MYCBP2: variants seen among roughly 807,000 people sequenced by gnomAD.
The protein encoded by MYCBP2 is MYC binding protein 2.
In MYCBP2, 120 loss-of-function variants were observed where a neutral mutation model predicts 525.3. That is an observed-to-expected ratio of 0.23 (90% CI 0.20 to 0.27). MYCBP2 has a LOEUF of 0.27. Ranked by LOEUF, MYCBP2 falls within the 10% of genes least tolerant of loss-of-function variation. The pLI is 1.00. For missense variants in MYCBP2, 4,149 were observed against 5,657.1 expected (o/e 0.73, Z 8.55); for synonymous variants, 1,894 against 1,955.8 (o/e 0.97, Z 0.83).
intron 1 of MYCBP2, among the ~76,000 whole-genome samples, chr13:77,314,835 T>C (rs556651815): frequency 6.6e-6 from 1 of 152,274 alleles, no homozygotes; most frequent in South Asian, 2.1e-4. Flanking sequence ...GATGTTGATA[T>C]GGATGAGGCT....
At position 77,174,301 on chromosome 13, in the gene MYCBP2, A is replaced by C; in HGVS notation, c.5651+10T>G. 1.2e-6 allele frequency: 2 copies of C among 1,612,910 alleles called. No homozygotes were observed. Among genetic ancestry groups the C allele is most frequent in the Non-Finnish European group, 1.7e-6 (2 of 1,178,988 alleles). ...TAAAGTATTTCCGTTATCTCTATAC[A>C]TTCACCCACCTATAGTAGAGTATCT... On this transcript the variant is annotated intron_variant, in intron 37 of 82. Coordinates refer to ENST00000544440, the MANE Select transcript of MYCBP2 (RefSeq NM_015057.5).
intron 2 of MYCBP2, among the ~76,000 whole-genome samples, chr13:77,291,029 T>C (rs184656617): frequency 2.0e-4 from 31 of 152,296 alleles, no homozygotes; most frequent in African/African-American, 7.5e-4. Context: ...CTTAAATAAA[T>C]GGAGACATAT....
At chr13:77,203,002 T>C (rs1459888522) in intron 26 of MYCBP2, among the ~76,000 whole-genome samples, 3 of 151,606 alleles carry the variant, frequency 2.0e-5, no homozygotes, top group African/African-American at 7.3e-5. Context: ...GGATGCCCTC[T>C]CTCACCACTC....
In MYCBP2 at chr13:77,233,136, T is replaced by C; in HGVS notation, c.2737+20A>G. 1 of 1,599,704 alleles carries C rather than the reference T, an allele frequency of 6.3e-7. No individual in the cohort carries two copies. Among genetic ancestry groups the C allele is most frequent in the Non-Finnish European group, 8.6e-7 (1 of 1,168,348 alleles). On this transcript the variant is annotated intron_variant, in intron 18 of 82. Coordinates refer to ENST00000544440, the MANE Select transcript of MYCBP2 (RefSeq NM_015057.5). Reference sequence around the variant, plus strand: ...AAATTGGGAAAGTATCCCACCTAGGTGATAAGGAAGACCAAATACCTTTGT... The same window carrying C: ...AAATTGGGAAAGTATCCCACCTAGGCGATAAGGAAGACCAAATACCTTTGT...
At chr13:77,097,290 T>C in intron 56 of MYCBP2, 80 bp downstream of exon 56, 1 of 1,514,776 alleles carries the variant, frequency 6.6e-7, no homozygotes, top group Admixed American at 2.3e-5. Context: ...TTTGACAAAA[T>C]TCATAGAACA....
At chr13:77,096,603 A>G (rs1361475355) in intron 56 of MYCBP2, 122 bp from the exon 57 acceptor site, 3 of 1,041,550 alleles carry the variant, frequency 2.9e-6, no homozygotes, top group Non-Finnish European at 1.3e-6. Context: ...TGAAGTAGAT[A>G]TCTTATTTTT....
intron 3 of MYCBP2, among the ~76,000 whole-genome samples, chr13:77,285,858 G>GGAACA (rs2076686051): frequency 1.9e-3 from 1 of 518 alleles, no homozygotes; most frequent in African/African-American, 3.1e-3. Flanking sequence ...AGAAAGGAAG[G>GGAACA]GAAAGGAAAG....
At chr13:77,238,938 T>C (rs2068392154) in intron 17 of MYCBP2, among the ~76,000 whole-genome samples, 1 of 152,172 alleles carries the variant, frequency 6.6e-6, no homozygotes, top group Non-Finnish European at 1.5e-5. Flanking sequence ...CTGGCCAACA[T>C]GGTGAAACCC....
intron 44 of MYCBP2, among the ~76,000 whole-genome samples, chr13:77,160,025 C>G (rs2057699042): frequency 6.6e-6 from 1 of 151,698 alleles, no homozygotes; most frequent in Non-Finnish European, 1.5e-5. Flanking sequence ...GACAACACTA[C>G]AGCTCCCTAT....
chr13:77,309,850 A>G (rs1463115534), intron 1 of MYCBP2, among the ~76,000 whole-genome samples: 3 of 152,198 alleles, frequency 2.0e-5, no homozygotes, highest in Admixed American at 2.0e-4. Flanking sequence ...GCAGTGGCTC[A>G]CGCCTGTAAT....
intron 28 of MYCBP2, 61 bp from the exon 29 acceptor site, chr13:77,190,396 A>AT: frequency 1.0e-6 from 1 of 985,088 alleles, no homozygotes; most frequent in East Asian, 2.4e-5. Flanking sequence ...TAAGAAATTT[A>AT]AGAAACATGT....
chr13:77,144,435 A>C lies in MYCBP2; in HGVS notation c.7303+10T>G. 6.3e-7 allele frequency: 1 copy of C among 1,584,220 alleles called. No homozygotes were observed. On this transcript the variant is annotated intron_variant, in intron 49 of 82. Coordinates refer to ENST00000544440, the MANE Select transcript of MYCBP2 (RefSeq NM_015057.5). ...AAGTAAGTAGTAGCTCATGGCTTTA[A>C]AGAAAATACCGATTTCAATGCCATC...
chr13:77,205,159 A>G, intron 26 of MYCBP2, 97 bp downstream of exon 26: 1 of 1,167,182 alleles, frequency 8.6e-7, no homozygotes. Context: ...AACCCAGTTA[A>G]AAAGGAAAAA....
rs199551229 is a variant in MYCBP2 at position 77,052,926 on chromosome 13, C to G, written c.13648-1008G>C. Among the ~76,000 whole-genome samples, 8 of 152,034 alleles carry G rather than the reference C, an allele frequency of 5.3e-5. No individual in the cohort carries two copies. The East Asian group carries it at 1.5e-3, about 29-fold the overall frequency. ...GACAGATTCCTTGAGCTCAGGAGTT[C>G]AAGACCAGCCTGGGCAACATGGCAA... On this transcript the variant is annotated intron_variant, in intron 80 of 82. Transcript: ENST00000544440.
intron 22 of MYCBP2, among the ~76,000 whole-genome samples, chr13:77,211,668 C>A (rs2064028715): frequency 6.6e-6 from 1 of 152,140 alleles, no homozygotes; most frequent in Non-Finnish European, 1.5e-5. Context: ...ATAAACAATG[C>A]ATAAAACTCT....
In MYCBP2 at chr13:77,083,051, A is replaced by C; in HGVS notation, c.11017T>G (p.Leu3673Val). The change falls in exon 63 of 83, where the codon TTA becomes GTA. Residue 3673 changes from leucine (L) to valine (V), a missense_variant. Physicochemically the swap from Leu to Val is conservative, Grantham distance 32 (BLOSUM62 1). This residue lies in a region of MYCBP2 where 509 missense variants were observed against 789.4 expected (regional missense o/e 0.64). Transcript: ENST00000544440. ...AATTACCTCAGGGCCATTTGCTGTAATGAACTGCCGCTGGGGAGAGACATC... is the reference window on the plus strand; with the variant it reads ...AATTACCTCAGGGCCATTTGCTGTACTGAACTGCCGCTGGGGAGAGACATC... ...LMMSLPSGSSLQQMALRCWSL... is the reference protein window; with the variant it reads ...LMMSLPSGSSVQQMALRCWSL... 1 of 1,613,090 alleles carries C rather than the reference A, an allele frequency of 6.2e-7. No homozygotes were observed.
chr13:77,137,583 T>C (rs2053950827), intron 52 of MYCBP2, among the ~76,000 whole-genome samples: 1 of 152,044 alleles, frequency 6.6e-6, no homozygotes, highest in East Asian at 1.9e-4. Context: ...TGAGACCCCA[T>C]CTCTATATTT....
intron 76 of MYCBP2, 73 bp from the exon 77 acceptor site, chr13:77,059,699 A>G: frequency 3.8e-6 from 4 of 1,056,384 alleles, no homozygotes; most frequent in Non-Finnish European, 1.5e-6. Flanking sequence ...CTAAATTTTA[A>G]AAAGCAAACT....
intron 17 of MYCBP2, among the ~76,000 whole-genome samples, chr13:77,240,755 G>A (rs1386836413): frequency 6.6e-6 from 1 of 152,148 alleles, no homozygotes; most frequent in African/African-American, 2.4e-5. Flanking sequence ...GAAAGGGGAG[G>A]ACATGGTTCC....
Sources: gnomAD v4.1 joint callset for allele counts (sites outside exome capture counted in the v4.1 genomes callset) on GRCh38, gnomAD v4.1.1 for gene constraint, gnomAD v4.1.1 regional missense constraint, MANE v1.5 for transcripts, NCBI Gene and HGNC (gene_info 2026-07-23, HGNC 2026-07-21) for gene names.